The following CAPN13 variants were observed in gnomAD, a reference collection of about 807,000 sequenced individuals.
The protein encoded by CAPN13 is calpain-13.
CAPN13 carries 90 observed loss-of-function variants against 98.4 expected under a neutral mutation model. That is an observed-to-expected ratio of 0.92 (90% CI 0.77 to 1.09). The LOEUF (loss-of-function observed/expected upper bound fraction) is 1.09. Ranked by LOEUF, CAPN13 falls within the 50% of genes least tolerant of loss-of-function variation. CAPN13 has a pLI of 0.00. For synonymous variants in CAPN13, 330 were observed against 305.5 expected (o/e 1.08, Z -0.84); for missense variants, 887 against 841.3 (o/e 1.05, Z -0.67).
chr2:30,785,054 G>A lies in CAPN13; in HGVS notation c.198+2074C>T, dbSNP rs529544875. 7.2e-5 allele frequency among the ~76,000 whole-genome samples: 11 copies of A among 152,266 alleles called. No individual in the cohort carries two copies. In the South Asian group the frequency reaches 1.9e-3, roughly 26 times the overall value. The stretch of plus-strand genomic sequence containing the variant: ...CTTTACTGTCCTACTTGGAAAATAC[G>A]TCAACTCAGAGTTTCTTTCTTGCAC... On this transcript the variant is annotated intron_variant, in intron 2 of 22. Transcript: ENST00000295055.
rs1670745238 is a variant in CAPN13, at chr2:30,723,014, G to A, written c.*253C>T. 6.6e-6 allele frequency: 1 copy of A among 152,218 alleles called. No individual in the cohort carries two copies. The highest frequency in any genetic ancestry group is 6.5e-5 in the Admixed American group (1 of 15,284). 9.4% of individuals were successfully genotyped at this position (152,218 alleles called of 1,614,324 possible). ...GAGACATCTCCTGCTTCCTTTTCCA[G>A]GGCAACGTAGGCTGAATACATCCCA... On this transcript the variant is annotated 3_prime_UTR_variant, in exon 23 of 23. Transcript: ENST00000295055.
chr2:30,776,300 G>A (rs1490128933), intron 3 of CAPN13, among the ~76,000 whole-genome samples: 2 of 152,032 alleles, frequency 1.3e-5, no homozygotes, highest in African/African-American at 2.4e-5. Flanking sequence ...GACGCGCTCT[G>A]GGCTCACTGC....
intron 2 of CAPN13, among the ~76,000 whole-genome samples, chr2:30,786,561 CA>C (rs1171214954): frequency 2.0e-5 from 3 of 152,284 alleles, no homozygotes; most frequent in Middle Eastern, 6.8e-3. Context: ...TGTTGTCCTG[CA>C]ATTTCTCCCT....
intron 19 of CAPN13, 30 bp downstream of exon 19, chr2:30,734,419 G>A (rs1043122084): frequency 6.3e-7 from 1 of 1,591,756 alleles, no homozygotes; most frequent in African/African-American, 1.3e-5. Context: ...CCGGACCTTG[G>A]GCACCACAGC....
Position 30,753,196 on chromosome 2 carries a change from A to G in CAPN13, c.944T>C (p.Met315Thr), listed in dbSNP as rs776656004. ...HKKREDGEFW[M>T]SCQDFQQKFI... ...TTTCTGTTGGAAATCTTGACACGAC[A>G]TCCTGTTAAAAACAGATATACATCA... Residue 315 changes from methionine to threonine, a missense_variant and splice_region_variant, in exon 10 of 23, where the codon ATG becomes ACG. Coordinates refer to ENST00000295055, the MANE Select transcript of CAPN13 (RefSeq NM_144575.3). 4 of 1,614,020 alleles carry G rather than the reference A, an allele frequency of 2.5e-6. No individual in the cohort carries two copies. The highest frequency in any genetic ancestry group is 3.4e-6 in the Non-Finnish European group (4 of 1,179,876).
intron 5 of CAPN13, among the ~76,000 whole-genome samples, chr2:30,768,937 A>AGG (rs1319921061): frequency 2.0e-5 from 3 of 151,972 alleles, no homozygotes; most frequent in Non-Finnish European, 4.4e-5. Context: ...AGGAACCCCC[A>AGG]AATAGCACAG....
In CAPN13 at chr2:30,730,738, T is replaced by C. The variant is rs894999519; in HGVS notation, c.*22A>G. 1 of 780,866 alleles carries C rather than the reference T, an allele frequency of 1.3e-6. No homozygotes were observed. The highest frequency in any genetic ancestry group is 2.4e-6 in the Non-Finnish European group (1 of 417,976). 48.4% of individuals were successfully genotyped at this position (780,866 alleles called of 1,614,324 possible). On this transcript the variant is annotated 3_prime_UTR_variant, in exon 22 of 23. Transcript: ENST00000295055. ...AAGCTACCATGTCTTACCTGAGCCATGGGTCTGCTTTCCTCTTTGCTTCAG... is the reference window on the plus strand; with the variant it reads ...AAGCTACCATGTCTTACCTGAGCCACGGGTCTGCTTTCCTCTTTGCTTCAG...
intron 12 of CAPN13, among the ~76,000 whole-genome samples, chr2:30,744,486 G>T (rs894232407): frequency 1.5e-4 from 23 of 152,222 alleles, no homozygotes; most frequent in African/African-American, 5.1e-4. Flanking sequence ...TCTCCAGAGG[G>T]TCAGCAGTGT....
At chr2:30,772,025 T>C (rs1232314968) in intron 4 of CAPN13, among the ~76,000 whole-genome samples, 1 of 152,206 alleles carries the variant, frequency 6.6e-6, no homozygotes, top group Non-Finnish European at 1.5e-5. Context: ...CGAATGAGCT[T>C]CTCTGGTTAG....
chr2:30,762,449 T>G (rs188594149), intron 7 of CAPN13, among the ~76,000 whole-genome samples: 4 of 152,314 alleles, frequency 2.6e-5, no homozygotes, highest in Admixed American at 6.5e-5. Context: ...ATAATTAAGC[T>G]TAGACTAATG....
At chr2:30,756,365 T>A (rs569714599) in intron 8 of CAPN13, among the ~76,000 whole-genome samples, 1 of 152,302 alleles carries the variant, frequency 6.6e-6, no homozygotes, top group South Asian at 2.1e-4. Context: ...TGAGTCATAC[T>A]TCCTCTGCCA....
chr2:30,748,852 C>T (rs956121014), intron 11 of CAPN13, among the ~76,000 whole-genome samples: 6 of 152,110 alleles, frequency 3.9e-5, no homozygotes, highest in South Asian at 2.1e-4. Context: ...TTCTCTCCAC[C>T]GAATTCCTGA....
intron 7 of CAPN13, among the ~76,000 whole-genome samples, chr2:30,758,829 C>A (rs1217924195): frequency 7.7e-6 from 1 of 129,098 alleles, no homozygotes; most frequent in Non-Finnish European, 1.6e-5. Flanking sequence ...CCCTTCCTTC[C>A]TCCCTTCCTT....
intron 10 of CAPN13, 22 bp from the exon 11 acceptor site, chr2:30,751,273 C>T (rs201669453): frequency 6.2e-7 from 1 of 1,612,146 alleles, no homozygotes; most frequent in African/African-American, 1.3e-5. Context: ...AGAGCTGTTA[C>T]TAGAGCTCAG....
intron 15 of CAPN13, chr2:30,741,418 T>C (rs1244592257): frequency 1.0e-6 from 1 of 990,038 alleles, no homozygotes; most frequent in African/African-American, 1.7e-5. Context: ...GCAGCTATTT[T>C]ATTCTGACAA....
chr2:30,755,952 A>C (rs1267174360), intron 8 of CAPN13, among the ~76,000 whole-genome samples: 1 of 152,034 alleles, frequency 6.6e-6, no homozygotes, highest in Admixed American at 6.6e-5. Flanking sequence ...ATCCATCTCC[A>C]TTCCTAAAAA....
chr2:30,749,735 A>G (rs1202784038), intron 11 of CAPN13, among the ~76,000 whole-genome samples: 1 of 143,348 alleles, frequency 7.0e-6, no homozygotes, highest in Non-Finnish European at 1.5e-5. Context: ...CTTCAACTCT[A>G]TTATGAGGAG....
Position 30,787,320 on chromosome 2 carries a change from C to A in CAPN13, c.6G>T (p.Ala2=). The change falls in exon 2 of 23, where the codon GCG becomes GCT. Residue 2 remains alanine (A), a synonymous_variant. Coordinates refer to ENST00000295055, the MANE Select transcript of CAPN13 (RefSeq NM_144575.3). ...TCTCCACTGAAGGCTCCTGGTAATA[C>A]GCCATGACTCTCCTTAGAAGACTTC... M[A]YYQEPSVETS... 5.0e-6 allele frequency: 8 copies of A among 1,611,362 alleles called. No individual in the cohort carries two copies. Among genetic ancestry groups the A allele is most frequent in the African/African-American group, 1.3e-5 (1 of 74,968 alleles).
At chr2:30,732,059 G>A (rs2147945662) in intron 20 of CAPN13, among the ~76,000 whole-genome samples, 1 of 152,244 alleles carries the variant, frequency 6.6e-6, no homozygotes, top group East Asian at 1.9e-4. Flanking sequence ...CCTGGGGAGG[G>A]ACCTCCTGCC....
Sources: gnomAD v4.1 joint callset for allele counts (sites outside exome capture counted in the v4.1 genomes callset) on GRCh38, gnomAD v4.1.1 for gene constraint, MANE v1.5 for transcripts, NCBI Gene and HGNC (gene_info 2026-07-23, HGNC 2026-07-21) for gene names.